SPOCK1: variants seen among roughly 807,000 people sequenced by gnomAD.
SPOCK1 encodes the protein SPARC (osteonectin), cwcv and kazal like domains proteoglycan 1.
A neutral mutation model predicts 55.3 loss-of-function variants in SPOCK1; 23 were observed. The observed-to-expected ratio is 0.42, with a 90% CI of 0.30 to 0.59. The LOEUF is 0.59. Among genes scored for constraint, SPOCK1 ranks in the 20% least tolerant of loss-of-function variants. The pLI, the probability that SPOCK1 is intolerant of heterozygous loss-of-function variation, is 0.22. For synonymous variants in SPOCK1, 226 were observed against 221.0 expected, an observed-to-expected ratio of 1.02 and a Z score of -0.20; for missense variants, 499 against 552.5, an observed-to-expected ratio of 0.90 and a Z score of 0.97.
chr5:137,157,914 T>A (rs1754449814), intron 3 of SPOCK1, among the ~76,000 whole-genome samples: 1 of 152,040 alleles, frequency 6.6e-6, no homozygotes, highest in African/African-American at 2.4e-5. Flanking sequence ...ACCAAAAAAT[T>A]GGCTGGGTGT....
rs144741575 is a variant in SPOCK1, at chr5:137,083,071, T to C, written c.475-15242A>G. Among the ~76,000 whole-genome samples the C allele has an allele frequency of 5.9e-5, 9 of 152,288 alleles. No individual in the cohort carries two copies. In the East Asian group the frequency reaches 1.5e-3, roughly 26 times the overall value. On this transcript the variant is annotated intron_variant, in intron 5 of 10. Coordinates refer to ENST00000394945, the MANE Select transcript of SPOCK1 (RefSeq NM_004598.4). ...CTGAGGGGGGACCCTGTGAACAAAA[T>C]AGAACGGCTCCTGTCTCATGGTGCC...
chr5:137,025,038 T>A (rs1751646277), intron 6 of SPOCK1, among the ~76,000 whole-genome samples: 1 of 152,180 alleles, frequency 6.6e-6, no homozygotes, highest in Admixed American at 6.5e-5. Flanking sequence ...TCCACTTATA[T>A]GAGGTATCAA....
At chr5:137,292,403 T>C (rs1448320112) in intron 2 of SPOCK1, among the ~76,000 whole-genome samples, 1 of 121,912 alleles carries the variant, frequency 8.2e-6, no homozygotes, top group East Asian at 2.5e-4. Flanking sequence ...GAAAACCCTA[T>C]GCTGTCCATT....
intron 3 of SPOCK1, among the ~76,000 whole-genome samples, chr5:137,217,321 C>A (rs1226150376): frequency 6.6e-6 from 1 of 152,166 alleles, no homozygotes; most frequent in Non-Finnish European, 1.5e-5. Flanking sequence ...TTGCAGAGGC[C>A]CCTGTGCTGG....
chr5:137,416,938 T>C (rs980186004), intron 2 of SPOCK1, among the ~76,000 whole-genome samples: 1 of 152,226 alleles, frequency 6.6e-6, no homozygotes, highest in Non-Finnish European at 1.5e-5. Context: ...GAATATTTGA[T>C]TATTTTGAAT....
chr5:137,292,466 A>G (rs1733981278), intron 2 of SPOCK1, among the ~76,000 whole-genome samples: 2 of 103,382 alleles, frequency 1.9e-5, no homozygotes, highest in Admixed American at 2.2e-4. Flanking sequence ...AAAAAAAAAA[A>G]AAAAAGTTGG....
At chr5:137,220,766 G>A (rs1180783513) in intron 3 of SPOCK1, among the ~76,000 whole-genome samples, 8 of 152,210 alleles carry the variant, frequency 5.3e-5, no homozygotes, top group South Asian at 2.1e-4. Flanking sequence ...CTGTGTCAGC[G>A]AATAGGTAGG....
At chr5:137,305,577 G>T (rs1015628681) in intron 2 of SPOCK1, among the ~76,000 whole-genome samples, 1 of 152,200 alleles carries the variant, frequency 6.6e-6, no homozygotes, top group Non-Finnish European at 1.5e-5. Context: ...ACACCGACAG[G>T]TTTCGGGATG....
At chr5:137,016,263 T>G (rs1022330473) in intron 6 of SPOCK1, among the ~76,000 whole-genome samples, 1 of 152,196 alleles carries the variant, frequency 6.6e-6, no homozygotes, top group Non-Finnish European at 1.5e-5. Flanking sequence ...ATGTGAATAC[T>G]GGTAAAAATA....
intron 3 of SPOCK1, among the ~76,000 whole-genome samples, chr5:137,252,116 G>C (rs1756544149): frequency 6.6e-6 from 1 of 152,090 alleles, no homozygotes; most frequent in South Asian, 2.1e-4. Context: ...AATAGAGATG[G>C]GGTTTCACCA....
At chr5:137,370,488 T>C (rs1751175433) in intron 2 of SPOCK1, among the ~76,000 whole-genome samples, 1 of 152,160 alleles carries the variant, frequency 6.6e-6, no homozygotes. Flanking sequence ...AGGAAATAAC[T>C]GGATACTAAA....
At chr5:136,994,301 A>C (rs1046160335) in intron 6 of SPOCK1, among the ~76,000 whole-genome samples, 2 of 152,210 alleles carry the variant, frequency 1.3e-5, no homozygotes, top group African/African-American at 4.8e-5. Context: ...AACACTGAGA[A>C]ATGTCTCGAC....
chr5:137,284,235 C>G (rs1321118434), intron 2 of SPOCK1, among the ~76,000 whole-genome samples: 3 of 152,164 alleles, frequency 2.0e-5, no homozygotes, highest in Non-Finnish European at 2.9e-5. Context: ...GCCTACTGCC[C>G]CAAATTGGCT....
At chr5:137,337,250 C>T (rs1212633232) in intron 2 of SPOCK1, among the ~76,000 whole-genome samples, 1 of 152,178 alleles carries the variant, frequency 6.6e-6, no homozygotes, top group Admixed American at 6.5e-5. Flanking sequence ...ATACATCAAG[C>T]CTATTTGCAG....
chr5:137,375,773 T>C (rs1297325610), intron 2 of SPOCK1, among the ~76,000 whole-genome samples: 1 of 152,182 alleles, frequency 6.6e-6, no homozygotes, highest in Non-Finnish European at 1.5e-5. Context: ...AATAAAACAC[T>C]TGAGCAACAG....
intron 2 of SPOCK1, among the ~76,000 whole-genome samples, chr5:137,279,422 C>T (rs1184823227): frequency 6.6e-6 from 1 of 152,208 alleles, no homozygotes; most frequent in Non-Finnish European, 1.5e-5. Flanking sequence ...TGAGGAAGTA[C>T]CACTGAAGCT....
chr5:137,195,650 G>A (rs1299711849), intron 3 of SPOCK1, among the ~76,000 whole-genome samples: 4 of 152,224 alleles, frequency 2.6e-5, no homozygotes, highest in South Asian at 2.1e-4. Context: ...GGCATGATGT[G>A]AGGGTGGCCC....
chr5:137,498,793 A>T (rs1754368093), intron 1 of SPOCK1, among the ~76,000 whole-genome samples: 1 of 152,152 alleles, frequency 6.6e-6, no homozygotes, highest in Non-Finnish European at 1.5e-5. Context: ...CCGTCCAACT[A>T]CAGGGGACCC....
At position 136,980,906 on chromosome 5, in the gene SPOCK1, T is replaced by C. The variant is rs74866592; in HGVS notation, c.992-1437A>G. Among the ~76,000 whole-genome samples, 13 of 152,352 alleles carry C rather than the reference T, an allele frequency of 8.5e-5. No homozygotes were observed. The East Asian group carries it at 2.3e-3, about 27-fold the overall frequency. On this transcript the variant is annotated intron_variant, in intron 9 of 10. Transcript: ENST00000394945. ...TGAGCCTGGTGCTCATTTTGAGGGA[T>C]GAAAGTAGCATTTTGATTAATTTCC...
Sources: gnomAD v4.1 joint callset for allele counts (sites outside exome capture counted in the v4.1 genomes callset) on GRCh38, gnomAD v4.1.1 for gene constraint, MANE v1.5 for transcripts, NCBI Gene and HGNC (gene_info 2026-07-23, HGNC 2026-07-21) for gene names.